The following PTPRD variants were observed in gnomAD, a reference collection of about 807,000 sequenced individuals.
PTPRD encodes receptor-type tyrosine-protein phosphatase delta.
PTPRD carries 34 observed loss-of-function variants against 214.5 expected under a neutral mutation model. The observed-to-expected ratio is 0.16, with a 90% CI of 0.12 to 0.21. PTPRD has a LOEUF of 0.21. Ranked by LOEUF, PTPRD falls within the 10% of genes least tolerant of loss-of-function variation. The probability of loss-of-function intolerance (pLI) is 1.00; values close to 1 mark genes in which losing one functional copy is unlikely to be tolerated. For synonymous variants in PTPRD, 1,128 were observed against 845.7 expected, an observed-to-expected ratio of 1.33 and a Z score of -5.79; for missense variants, 2,545 against 2,398.7, an observed-to-expected ratio of 1.06 and a Z score of -1.27.
At chr9:8,843,997 C>G (rs917272582) in intron 11 of PTPRD, among the ~76,000 whole-genome samples, 1 of 152,142 alleles carries the variant, frequency 6.6e-6, no homozygotes, top group African/African-American at 2.4e-5. Context: ...ATGGTCATCA[C>G]CCATGATGAA....
At chr9:9,929,158 G>C (rs908046737) in intron 5 of PTPRD, among the ~76,000 whole-genome samples, 6 of 152,218 alleles carry the variant, frequency 3.9e-5, no homozygotes, top group Admixed American at 2.6e-4. Context: ...CTTAGTGTTT[G>C]TTAGCTCCCA....
At chr9:10,061,426 CA>C (rs1426332032) in intron 3 of PTPRD, among the ~76,000 whole-genome samples, 5 of 152,100 alleles carry the variant, frequency 3.3e-5, no homozygotes, top group Admixed American at 2.0e-4. Context: ...GTTCTTCCAA[CA>C]ACAGCTCTCT....
At chr9:9,371,321 T>C (rs143892106) in intron 9 of PTPRD, among the ~76,000 whole-genome samples, 1,733 of 152,298 alleles carry the variant, frequency 0.011, 32 homozygotes, top group African/African-American at 0.04. Context: ...AGATTCAACT[T>C]CTTCCTGGTT....
intron 10 of PTPRD, among the ~76,000 whole-genome samples, chr9:9,113,141 A>C (rs1283611281): frequency 6.9e-6 from 1 of 145,256 alleles, no homozygotes; most frequent in East Asian, 2.2e-4. Flanking sequence ...ATTAAAAAAT[A>C]TATATATATT....
chr9:10,520,561 T>G (rs1160004639), intron 2 of PTPRD, among the ~76,000 whole-genome samples: 1 of 152,178 alleles, frequency 6.6e-6, no homozygotes, highest in Non-Finnish European at 1.5e-5. Context: ...CCAATAGATT[T>G]TTAATTAAGA....
At chr9:9,769,389 A>C (rs2098733704) in intron 5 of PTPRD, among the ~76,000 whole-genome samples, 1 of 121,968 alleles carries the variant, frequency 8.2e-6, no homozygotes, top group Non-Finnish European at 1.6e-5. Flanking sequence ...GCAGTGGTGC[A>C]ATCTCCGCTC....
intron 12 of PTPRD, among the ~76,000 whole-genome samples, chr9:8,704,018 T>C (rs1378261820): frequency 6.6e-6 from 1 of 152,160 alleles, no homozygotes; most frequent in African/African-American, 2.4e-5. Flanking sequence ...ACCCTCAATA[T>C]ATGAGGAAAT....
intron 10 of PTPRD, among the ~76,000 whole-genome samples, chr9:9,098,616 G>A (rs557852987): frequency 1.3e-5 from 2 of 152,050 alleles, no homozygotes; most frequent in Non-Finnish European, 2.9e-5. Flanking sequence ...AATATAATCT[G>A]CAAAGTTACT....
intron 5 of PTPRD, among the ~76,000 whole-genome samples, chr9:9,863,432 T>C (rs1476514351): frequency 2.0e-5 from 3 of 152,178 alleles, no homozygotes; most frequent in African/African-American, 7.2e-5. Flanking sequence ...AAGGAGGGTA[T>C]AGTGAACGTT....
intron 8 of PTPRD, among the ~76,000 whole-genome samples, chr9:9,541,016 G>C (rs1591142223): frequency 6.6e-6 from 1 of 151,660 alleles, no homozygotes; most frequent in Admixed American, 6.6e-5. Context: ...GGACTAAATA[G>C]AAAACAAATA....
chr9:10,344,724 T>C (rs1402832292), intron 2 of PTPRD, among the ~76,000 whole-genome samples: 2 of 152,150 alleles, frequency 1.3e-5, no homozygotes, highest in Admixed American at 6.5e-5. Context: ...TGGTTTGTAG[T>C]TCTCATTGGT....
intron 7 of PTPRD, among the ~76,000 whole-genome samples, chr9:9,724,006 C>T (rs2098024824): frequency 6.6e-6 from 1 of 151,934 alleles, no homozygotes. Flanking sequence ...TTCTCAATTG[C>T]CCTGGCTAGA....
At chr9:9,452,981 T>C (rs2092455742) in intron 8 of PTPRD, among the ~76,000 whole-genome samples, 1 of 150,820 alleles carries the variant, frequency 6.6e-6, no homozygotes. Flanking sequence ...TTTTTCTGTA[T>C]ACTTAAATTT....
At chr9:8,594,059 A>T (rs2094316570) in intron 14 of PTPRD, among the ~76,000 whole-genome samples, 1 of 152,218 alleles carries the variant, frequency 6.6e-6, no homozygotes, top group Admixed American at 6.5e-5. Flanking sequence ...ATAGTAGAAA[A>T]GGCACTACAT....
chr9:8,452,059 G>A (rs2095979334), intron 33 of PTPRD, among the ~76,000 whole-genome samples: 1 of 152,172 alleles, frequency 6.6e-6, no homozygotes, highest in South Asian at 2.1e-4. Context: ...GTGAGTCTCA[G>A]AAAACTCAAG....
intron 31 of PTPRD, among the ~76,000 whole-genome samples, chr9:8,468,386 C>T (rs564955042): frequency 6.6e-6 from 1 of 151,928 alleles, no homozygotes; most frequent in African/African-American, 2.4e-5. Context: ...ACATGACCTG[C>T]TCTGAATTAA....
intron 2 of PTPRD, among the ~76,000 whole-genome samples, chr9:10,464,306 G>A (rs112608505): frequency 1.3e-4 from 20 of 152,066 alleles, no homozygotes; most frequent in South Asian, 2.1e-4. Flanking sequence ...GCTCGAACCC[G>A]GAGGCTAAAT....
At chr9:10,534,154 G>A (rs901067674) in intron 2 of PTPRD, among the ~76,000 whole-genome samples, 5 of 151,722 alleles carry the variant, frequency 3.3e-5, no homozygotes, top group Non-Finnish European at 5.9e-5. Context: ...GATTATATCA[G>A]CATTGTAGTG....
At chr9:8,812,270 A>T (rs2096824594) in intron 11 of PTPRD, among the ~76,000 whole-genome samples, 1 of 152,230 alleles carries the variant, frequency 6.6e-6, no homozygotes, top group South Asian at 2.1e-4. Context: ...GTACATATAT[A>T]TTTATAGGTC....
Sources: allele counts gnomAD v4.1 joint callset (sites outside exome capture counted in the v4.1 genomes callset), GRCh38; gene constraint gnomAD v4.1.1; transcripts MANE v1.5; gene names NCBI Gene and HGNC (gene_info 2026-07-23, HGNC 2026-07-21).